Variants in ZNG1A observed in about 807,000 individuals in gnomAD.
The protein encoded by ZNG1A is Zn regulated GTPase metalloprotein activator 1A.
the ZNG1A span, chr9:122,441 T>C: frequency 9.0e-7 from 1 of 1,114,856 alleles, no homozygotes; most frequent in Non-Finnish European, 1.1e-6. Context: ...AGATTTTATA[T>C]AATGTTTCAC....
At chr9:144,935 C>T in the ZNG1A span, among the ~76,000 whole-genome samples, 2 of 151,564 alleles carry the variant, frequency 1.3e-5, no homozygotes, top group African/African-American at 4.9e-5. Context: ...AGCCAAAAGA[C>T]ACATGAAAAA....
the ZNG1A span, among the ~76,000 whole-genome samples, chr9:163,815 G>C: frequency 2.6e-5 from 4 of 151,670 alleles, no homozygotes; most frequent in African/African-American, 9.7e-5. Context: ...TACTCGGGAG[G>C]CTGAGGCAAG....
chr9:153,676 TA>T, the ZNG1A span: 2 of 150,728 alleles, frequency 1.3e-5, no homozygotes, highest in African/African-American at 2.4e-5. Flanking sequence ...ACATTACTAT[TA>T]AAATAAGATG....
At chr9:161,585 T>C in the ZNG1A span, 6 of 1,286,470 alleles carry the variant, frequency 4.7e-6, no homozygotes, top group Admixed American at 2.3e-5. Flanking sequence ...GCCCTATCCA[T>C]ATGCTCAGAT....
At chr9:168,344 C>T in the ZNG1A span, among the ~76,000 whole-genome samples, 1 of 152,162 alleles carries the variant, frequency 6.6e-6, no homozygotes, top group Non-Finnish European at 1.5e-5. Flanking sequence ...CCTCCGTCTC[C>T]CGGGTTCAAG....
At chr9:157,774 A>AAT in the ZNG1A span, among the ~76,000 whole-genome samples, 9 of 146,836 alleles carry the variant, frequency 6.1e-5, no homozygotes, top group Non-Finnish European at 1.2e-4. Context: ...CAATAATCAT[A>AAT]TATCAGAGCC....
At chr9:131,942 C>G in the ZNG1A span, among the ~76,000 whole-genome samples, 1 of 136,980 alleles carries the variant, frequency 7.3e-6, no homozygotes, top group Non-Finnish European at 1.5e-5. Context: ...GTACCAGACA[C>G]CTACTCATCT....
the ZNG1A span, chr9:172,552 C>T: frequency 6.2e-6 from 1 of 162,120 alleles, no homozygotes; most frequent in South Asian, 1.7e-4. Context: ...TATTAAACAC[C>T]ATATAATTCT....
chr9:148,061 T>C, the ZNG1A span: 1 of 144,190 alleles, frequency 6.9e-6, no homozygotes, highest in African/African-American at 2.6e-5. Context: ...AAGATAAAAA[T>C]AAATAAAAAT....
chr9:140,280 A>G, the ZNG1A span, among the ~76,000 whole-genome samples: 2 of 152,062 alleles, frequency 1.3e-5, no homozygotes, highest in East Asian at 3.9e-4. Context: ...AGCTTTGAAG[A>G]GAGCAGTGGT....
the ZNG1A span, among the ~76,000 whole-genome samples, chr9:126,841 T>C: frequency 6.6e-6 from 1 of 152,078 alleles, no homozygotes; most frequent in Admixed American, 6.6e-5. Flanking sequence ...AACCTTCCTC[T>C]TAGCACCGCC....
the ZNG1A span, among the ~76,000 whole-genome samples, chr9:168,928 C>G: frequency 6.6e-6 from 1 of 152,096 alleles, no homozygotes; most frequent in Non-Finnish European, 1.5e-5. Context: ...CACCCAAGAG[C>G]TGTGATGGAG....
At chr9:144,568 C>A in the ZNG1A span, among the ~76,000 whole-genome samples, 1 of 152,018 alleles carries the variant, frequency 6.6e-6, no homozygotes, top group Non-Finnish European at 1.5e-5. Context: ...AAGACTTAAA[C>A]GTTTGACCTA....
chr9:133,353 T>C, the ZNG1A span, among the ~76,000 whole-genome samples: 45 of 133,544 alleles, frequency 3.4e-4, no homozygotes, highest in African/African-American at 1.2e-3. Flanking sequence ...TAAAGTGACA[T>C]AGTGTCTGGA....
the ZNG1A span, among the ~76,000 whole-genome samples, chr9:132,351 C>T: frequency 1.5e-5 from 1 of 68,170 alleles, no homozygotes; most frequent in Non-Finnish European, 3.1e-5. Context: ...CCCATCTCTA[C>T]TAAAAAAAAA....
At chr9:157,287 T>C in the ZNG1A span, among the ~76,000 whole-genome samples, 3 of 130,760 alleles carry the variant, frequency 2.3e-5, no homozygotes, top group African/African-American at 8.6e-5. Context: ...TTGTTGTCTG[T>C]TTTTTTTTTT....
chr9:124,771 CT>C, the ZNG1A span, among the ~76,000 whole-genome samples: 2 of 133,540 alleles, frequency 1.5e-5, no homozygotes, highest in South Asian at 5.4e-4. Flanking sequence ...ATCCTCATAG[CT>C]TAGCTCCCAC....
At chr9:163,788 A>G in the ZNG1A span, among the ~76,000 whole-genome samples, 7,861 of 150,754 alleles carry the variant, frequency 0.052, 193 homozygotes, top group African/African-American at 0.095. Context: ...ACGATGGTGC[A>G]CGCCTGTAGT....
At chr9:156,278 T>C in the ZNG1A span, among the ~76,000 whole-genome samples, 17 of 151,412 alleles carry the variant, frequency 1.1e-4, no homozygotes, top group African/African-American at 2.9e-4. Context: ...ATTCACTTTA[T>C]GCTACGACAA....
Sources: gnomAD v4.1 joint callset for allele counts (sites outside exome capture counted in the v4.1 genomes callset) on GRCh38, gnomAD v4.1.1 for gene constraint, MANE v1.5 for transcripts, NCBI Gene and HGNC (gene_info 2026-07-23, HGNC 2026-07-21) for gene names.